PPARG: variants seen among roughly 807,000 people sequenced by gnomAD.
The protein encoded by PPARG is peroxisome proliferator activated receptor gamma, also known as peroxisome proliferator-activated receptor gamma.
PPARG carries 17 observed loss-of-function variants against 39.2 expected under a neutral mutation model. The observed-to-expected ratio is 0.43, with a 90% CI of 0.30 to 0.65. The LOEUF (loss-of-function observed/expected upper bound fraction) is 0.65, where lower values mean the gene tolerates loss of function less well. PPARG is among the 30% of genes least tolerant of loss of function. The probability of loss-of-function intolerance (pLI) is 0.13; values close to 1 mark genes in which losing one functional copy is unlikely to be tolerated. For missense variants in PPARG, 406 were observed against 585.9 expected (o/e 0.69, Z 3.17); for synonymous variants, 223 against 215.7 (o/e 1.03, Z -0.30).
intron 1 of PPARG, among the ~76,000 whole-genome samples, chr3:12,291,848 C>T (rs916104962): frequency 3.9e-5 from 6 of 152,224 alleles, no homozygotes; most frequent in South Asian, 2.1e-4. Flanking sequence ...AGTACCTTAT[C>T]CTTTCTCTCA....
chr3:12,417,258 G>A, intron 7 of PPARG, 104 bp downstream of exon 7: 1 of 1,145,262 alleles, frequency 8.7e-7, no homozygotes, highest in Non-Finnish European at 1.3e-6. Flanking sequence ...GTCACTTTAA[G>A]TGCCAGTGGC....
intron 2 of PPARG, among the ~76,000 whole-genome samples, chr3:12,366,115 A>T (rs529735423): frequency 6.6e-6 from 1 of 152,150 alleles, no homozygotes; most frequent in South Asian, 2.1e-4. Context: ...TTTCATATAT[A>T]TTTTATTAAA....
chr3:12,334,565 C>T (rs938846720), intron 2 of PPARG, among the ~76,000 whole-genome samples: 1 of 152,084 alleles, frequency 6.6e-6, no homozygotes, highest in Non-Finnish European at 1.5e-5. Context: ...TTAGAGTTTA[C>T]TCCCTGGTTG....
intron 6 of PPARG, among the ~76,000 whole-genome samples, chr3:12,409,615 A>G (rs2050804142): frequency 7.4e-6 from 1 of 134,702 alleles, no homozygotes. Context: ...GGAGGTATAT[A>G]AAAGTGGCTA....
chr3:12,405,674 A>G (rs1158740023), intron 5 of PPARG, among the ~76,000 whole-genome samples: 3 of 152,376 alleles, frequency 2.0e-5, no homozygotes, highest in African/African-American at 7.2e-5. Context: ...ACTTTTAAAA[A>G]TGAAAGTTAA....
chr3:12,362,540 T>A (rs2048881141), intron 2 of PPARG, among the ~76,000 whole-genome samples: 1 of 146,644 alleles, frequency 6.8e-6, no homozygotes, highest in Admixed American at 6.8e-5. Flanking sequence ...AATAAATAAA[T>A]AAATAAATAA....
intron 2 of PPARG, among the ~76,000 whole-genome samples, chr3:12,357,020 C>G (rs768952122): frequency 1.3e-5 from 2 of 152,160 alleles, no homozygotes; most frequent in Admixed American, 1.3e-4. Flanking sequence ...CAGAATATCT[C>G]TCTTCTGCCG....
At chr3:12,319,667 A>G (rs1003812580) in intron 2 of PPARG, among the ~76,000 whole-genome samples, 2 of 151,886 alleles carry the variant, frequency 1.3e-5, no homozygotes, top group African/African-American at 4.8e-5. Context: ...TTAATACTCA[A>G]TTTTTACTTT....
chr3:12,345,885 T>C (rs757779466), intron 2 of PPARG, among the ~76,000 whole-genome samples: 26 of 152,148 alleles, frequency 1.7e-4, no homozygotes, highest in Non-Finnish European at 3.5e-4. Context: ...TCTTGAAAAA[T>C]TCATTGATAA....
chr3:12,388,503 C>T (rs1375044525), intron 4 of PPARG, among the ~76,000 whole-genome samples: 1 of 152,062 alleles, frequency 6.6e-6, no homozygotes, highest in Non-Finnish European at 1.5e-5. Context: ...CTGAATTAAG[C>T]CAGGATTCTC....
chr3:12,317,129 G>A (rs1025283029), intron 2 of PPARG, among the ~76,000 whole-genome samples: 2 of 152,260 alleles, frequency 1.3e-5, no homozygotes, highest in Non-Finnish European at 2.9e-5. Context: ...CCTGCCCTCT[G>A]TAAATAAACT....
intron 5 of PPARG, among the ~76,000 whole-genome samples, chr3:12,398,429 G>T (rs917343693): frequency 2.0e-4 from 31 of 152,330 alleles, no homozygotes; most frequent in African/African-American, 7.0e-4. Context: ...CAGTTTGGAG[G>T]AGAAAATTTT....
intron 2 of PPARG, among the ~76,000 whole-genome samples, chr3:12,315,561 G>C (rs1185735503): frequency 6.6e-6 from 1 of 152,138 alleles, no homozygotes; most frequent in African/African-American, 2.4e-5. Flanking sequence ...ATTCTCATTA[G>C]ATTTTCGCTA....
At chr3:12,372,997 C>CTAGG (rs1195451572) in intron 2 of PPARG, among the ~76,000 whole-genome samples, 1 of 152,128 alleles carries the variant, frequency 6.6e-6, no homozygotes, top group African/African-American at 2.4e-5. Context: ...GTGTCACCAG[C>CTAGG]TAGGGAGTTA....
intron 7 of PPARG, among the ~76,000 whole-genome samples, chr3:12,429,098 T>G (rs539723197): frequency 6.6e-6 from 1 of 152,316 alleles, no homozygotes; most frequent in Non-Finnish European, 1.5e-5. Flanking sequence ...GGAGGCTCAG[T>G]CAGGGGGACA....
intron 2 of PPARG, among the ~76,000 whole-genome samples, chr3:12,370,202 T>C (rs542881234): frequency 2.9e-4 from 44 of 152,290 alleles, no homozygotes; most frequent in African/African-American, 1.0e-3. Flanking sequence ...TTCTCTTGAA[T>C]TTTGGCAACA....
chr3:12,429,758 T>G (rs1028164890), intron 7 of PPARG, among the ~76,000 whole-genome samples: 2 of 152,054 alleles, frequency 1.3e-5, no homozygotes, highest in Non-Finnish European at 2.9e-5. Flanking sequence ...TCTGTAGTCA[T>G]TAAACCAAGG....
intron 2 of PPARG, among the ~76,000 whole-genome samples, chr3:12,323,581 T>C (rs2047606485): frequency 6.6e-6 from 1 of 152,224 alleles, no homozygotes; most frequent in African/African-American, 2.4e-5. Context: ...GAATTATCAT[T>C]GTCCCTATTT....
chr3:12,381,021 A>T (rs945059219), intron 3 of PPARG, among the ~76,000 whole-genome samples: 2 of 152,196 alleles, frequency 1.3e-5, no homozygotes, highest in Admixed American at 6.5e-5. Flanking sequence ...CCTTGTCTCA[A>T]ATCCTCTATG....
Sources: allele counts gnomAD v4.1 joint callset (sites outside exome capture counted in the v4.1 genomes callset), GRCh38; gene constraint gnomAD v4.1.1; transcripts MANE v1.5; gene names NCBI Gene and HGNC (gene_info 2026-07-23, HGNC 2026-07-21).